The following VPS13B variants were observed in gnomAD, a reference collection of about 807,000 sequenced individuals.
VPS13B encodes the protein vacuolar protein sorting 13 homolog B.
VPS13B carries 285 observed loss-of-function variants against 426.4 expected under a neutral mutation model. That is an observed-to-expected ratio of 0.67 (90% CI 0.61 to 0.74). The LOEUF (loss-of-function observed/expected upper bound fraction) is 0.74. Ranked by LOEUF, VPS13B falls within the 30% of genes least tolerant of loss-of-function variation. The pLI is 0.00. For missense variants in VPS13B, 4,537 were observed against 4,782.6 expected, an observed-to-expected ratio of 0.95 and a Z score of 1.51; for synonymous variants, 1,676 against 1,676.4, an observed-to-expected ratio of 1.00 and a Z score of 0.01.
At chr8:99,629,434 T>C (rs1172490122) in intron 33 of VPS13B, among the ~76,000 whole-genome samples, 1 of 152,112 alleles carries the variant, frequency 6.6e-6, no homozygotes, top group Non-Finnish European at 1.5e-5. Context: ...ATATAGAGTG[T>C]AAGGATTAAA....
In VPS13B at chr8:99,778,990, G is replaced by A. The variant is rs1811879999; in HGVS notation, c.7738G>A (p.Val2580Ile). The A allele has an allele frequency of 1.2e-6, 2 of 1,613,824 alleles. No homozygotes were observed. The highest frequency in any genetic ancestry group is 1.3e-5 in the African/African-American group (1 of 75,038). Residue 2580 changes from valine (V) to isoleucine (I), a missense_variant, in exon 42 of 62, where the codon GTA (valine) becomes ATA (isoleucine). Val to Ile is a conservative substitution (Grantham distance 29). Coordinates refer to ENST00000357162, the MANE Select transcript of VPS13B (RefSeq NM_152564.5). ...TGTATTTGTAAACCTTGGACAGCAT[G>A]TAGTCCATTCACTAAACACTGCAAT... ...DSVFVNLGQH[V>I]VHSLNTAIQA...
At chr8:99,472,471 GAC>G (rs1819466000) in intron 24 of VPS13B, among the ~76,000 whole-genome samples, 1 of 151,340 alleles carries the variant, frequency 6.6e-6, no homozygotes, top group Admixed American at 6.6e-5. Context: ...ATGGAACAAA[GAC>G]ATAATTATTT....
intron 2 of VPS13B, among the ~76,000 whole-genome samples, chr8:99,018,658 T>G (rs1490173723): frequency 6.6e-6 from 1 of 152,238 alleles, no homozygotes; most frequent in Non-Finnish European, 1.5e-5. Flanking sequence ...GTCATGAGAA[T>G]AGACATCCTT....
chr8:99,495,337 G>A (rs943450879), intron 25 of VPS13B, among the ~76,000 whole-genome samples: 9 of 152,100 alleles, frequency 5.9e-5, no homozygotes, highest in African/African-American at 2.2e-4. Flanking sequence ...ATATGAGTTT[G>A]TATTTTCAGT....
chr8:99,822,884 A>G (rs1311744875), intron 50 of VPS13B, among the ~76,000 whole-genome samples: 2 of 152,180 alleles, frequency 1.3e-5, no homozygotes, highest in African/African-American at 2.4e-5. Flanking sequence ...CTGGAAATCC[A>G]CTGTACGTTC....
intron 36 of VPS13B, among the ~76,000 whole-genome samples, chr8:99,709,085 T>TA (rs1385428301): frequency 1.3e-5 from 2 of 152,310 alleles, no homozygotes; most frequent in Admixed American, 6.5e-5. Context: ...AGACAATACT[T>TA]ACAAAATTTT....
chr8:99,839,813 T>C (rs1266538457), intron 54 of VPS13B, among the ~76,000 whole-genome samples: 1 of 152,238 alleles, frequency 6.6e-6, no homozygotes, highest in African/African-American at 2.4e-5. Flanking sequence ...TAATAGTCAT[T>C]ACTTATCCAG....
chr8:99,315,247 C>T (rs1821256260), intron 19 of VPS13B, among the ~76,000 whole-genome samples: 1 of 151,988 alleles, frequency 6.6e-6, no homozygotes, highest in Admixed American at 6.6e-5. Flanking sequence ...TTCTCTTTCC[C>T]TCTGGGACAC....
At chr8:99,697,557 G>T in intron 35 of VPS13B, 1 of 700,360 alleles carries the variant, frequency 1.4e-6, no homozygotes. Flanking sequence ...CAGGACTACA[G>T]CGAGAACATG....
At position 99,853,770 on chromosome 8, in the gene VPS13B, A is replaced by T. The variant is rs1171862933; in HGVS notation, c.10381A>T (p.Ser3461Cys). 6.2e-7 allele frequency: 1 copy of T among 1,614,262 alleles called. No homozygotes were observed. ...ACCCATTCAGTGTTCCAAAATGCAG[A>T]GTCTCCTCATATCCAACAAAGAGTT... is the stretch of plus-strand genomic sequence containing the variant. ...AEPIQCSKMQ[S>C]LLISNKELEE... The change falls in exon 56 of 62, where the codon AGT becomes TGT. Residue 3461 changes from serine (S) to cysteine (C), a missense_variant. Ser to Cys is a moderately radical substitution (Grantham distance 112). Transcript: ENST00000357162.
Position 99,093,326 on chromosome 8 carries a change from A to G in VPS13B, c.292-2986A>G, listed in dbSNP as rs1308350983. Reference sequence around the variant, plus strand: ...TTTACACTGCATACTCTGGGAGTCTATGCTATTCAAAGCACCTCAAATTTG... The same window carrying G: ...TTTACACTGCATACTCTGGGAGTCTGTGCTATTCAAAGCACCTCAAATTTG... On this transcript the variant is annotated intron_variant, in intron 3 of 61. Coordinates refer to ENST00000357162, the MANE Select transcript of VPS13B (RefSeq NM_152564.5). 3.3e-5 allele frequency among the ~76,000 whole-genome samples: 5 copies of G among 152,010 alleles called. No individual in the cohort carries two copies. In the South Asian group the frequency reaches 6.2e-4, roughly 19 times the overall value.
intron 3 of VPS13B, among the ~76,000 whole-genome samples, chr8:99,055,452 G>A (rs1332467013): frequency 1.3e-5 from 2 of 152,174 alleles, no homozygotes; most frequent in East Asian, 3.8e-4. Flanking sequence ...AATAGGGATT[G>A]TACTGAATCT....
intron 34 of VPS13B, among the ~76,000 whole-genome samples, chr8:99,657,124 T>G (rs1830048717): frequency 6.6e-6 from 1 of 152,194 alleles, no homozygotes; most frequent in African/African-American, 2.4e-5. Flanking sequence ...GTTGGTTTAT[T>G]GTGTCTCCTA....
Position 99,554,212 on chromosome 8 carries a change from A to AT in VPS13B, c.4746-2230dup, listed in dbSNP as rs1447353981. 2.0e-5 allele frequency among the ~76,000 whole-genome samples: 3 copies of AT among 151,794 alleles called. No individual in the cohort carries two copies. In the South Asian group the frequency reaches 6.2e-4, roughly 32 times the overall value. On this transcript the variant is annotated intron_variant, in intron 30 of 61. Coordinates refer to ENST00000357162, the MANE Select transcript of VPS13B (RefSeq NM_152564.5). The stretch of plus-strand genomic sequence containing the variant: ...TTAATATAGCACTAATTTTGTTTTC[A>AT]TTTTTTTTCCTTCAAAGGTATTCTT...
chr8:99,525,331 G>A (rs1822588483), intron 30 of VPS13B, among the ~76,000 whole-genome samples: 2 of 152,124 alleles, frequency 1.3e-5, no homozygotes, highest in Admixed American at 6.6e-5. Flanking sequence ...GTTTGTTTAT[G>A]CAATCAGTGT....
intron 33 of VPS13B, among the ~76,000 whole-genome samples, chr8:99,591,019 C>T (rs1826629436): frequency 6.6e-6 from 1 of 151,940 alleles, no homozygotes; most frequent in African/African-American, 2.4e-5. Flanking sequence ...TCTGGGTGCT[C>T]ATGTGTTGGG....
chr8:99,633,861 A>G (rs1051933083), intron 33 of VPS13B, among the ~76,000 whole-genome samples: 1 of 144,516 alleles, frequency 6.9e-6, no homozygotes, highest in East Asian at 2.3e-4. Context: ...TGAATTCATT[A>G]CAAAAAGCAA....
intron 29 of VPS13B, among the ~76,000 whole-genome samples, chr8:99,515,781 C>T (rs1298087491): frequency 6.6e-6 from 1 of 151,976 alleles, no homozygotes; most frequent in East Asian, 1.9e-4. Flanking sequence ...GTCTAATTGC[C>T]TTCCTAAATG....
chr8:99,546,175 C>A (rs1823963755), intron 30 of VPS13B, among the ~76,000 whole-genome samples: 1 of 151,878 alleles, frequency 6.6e-6, no homozygotes, highest in African/African-American at 2.4e-5. Context: ...TCGGAAGTAA[C>A]TCCATACATT....
Sources: gnomAD v4.1 joint callset for allele counts (sites outside exome capture counted in the v4.1 genomes callset) on GRCh38, gnomAD v4.1.1 for gene constraint, MANE v1.5 for transcripts, NCBI Gene and HGNC (gene_info 2026-07-23, HGNC 2026-07-21) for gene names.